The following PYGB variants were observed in gnomAD, a reference collection of about 807,000 sequenced individuals.
PYGB encodes glycogen phosphorylase B.
A neutral mutation model predicts 94.3 loss-of-function variants in PYGB; 82 were observed. The ratio of observed to expected loss-of-function variants is 0.87; its 90% CI spans 0.73 to 1.04. PYGB has a LOEUF of 1.04. Among genes scored for constraint, PYGB ranks in the 50% least tolerant of loss-of-function variants. The probability of loss-of-function intolerance (pLI) is 0.00; values close to 1 mark genes in which losing one functional copy is unlikely to be tolerated. For synonymous variants in PYGB, 488 were observed against 479.1 expected (o/e 1.02, Z -0.24); for missense variants, 1,132 against 1,158.2 (o/e 0.98, Z 0.33).
intron 4 of PYGB, among the ~76,000 whole-genome samples, chr20:25,273,020 C>T (rs1224755556): frequency 2.0e-5 from 3 of 152,226 alleles, no homozygotes; most frequent in Admixed American, 6.5e-5. Flanking sequence ...AAGTGAAGCT[C>T]ACCCCTCCTC....
At chr20:25,252,860 G>A (rs1271382262) in intron 1 of PYGB, among the ~76,000 whole-genome samples, 1 of 152,200 alleles carries the variant, frequency 6.6e-6, no homozygotes, top group Non-Finnish European at 1.5e-5. Flanking sequence ...TCCCTTCACT[G>A]GAGGTTGGGG....
chr20:25,270,799 A>G (rs1024612451), intron 3 of PYGB, among the ~76,000 whole-genome samples: 1 of 152,160 alleles, frequency 6.6e-6, no homozygotes, highest in African/African-American at 2.4e-5. Context: ...CTGGCCTCTA[A>G]ATCTTTATTC....
At position 25,273,916 on chromosome 20, in the gene PYGB, T is replaced by C. The variant is rs114425546; in HGVS notation, c.529-676T>C. ...AGGCTGGAGTGCAGTGGTACAGTCA[T>C]AGCTCACTGCAGCTTCGACCTTGTG... On this transcript the variant is annotated intron_variant, in intron 4 of 19. Transcript: ENST00000216962. 4.2e-3 allele frequency among the ~76,000 whole-genome samples: 638 copies of C among 152,328 alleles called. 6 individuals carry two copies. Among genetic ancestry groups the C allele is most frequent in the African/African-American group, 0.015 (609 of 41,556 alleles).
chr20:25,269,660 T>C (rs1047162895), intron 3 of PYGB, among the ~76,000 whole-genome samples: 3 of 152,314 alleles, frequency 2.0e-5, no homozygotes, highest in Middle Eastern at 3.4e-3. Context: ...CTTTGTGACA[T>C]GTGATGGGTC....
At chr20:25,259,893 C>T (rs2092909843) in intron 2 of PYGB, among the ~76,000 whole-genome samples, 1 of 152,174 alleles carries the variant, frequency 6.6e-6, no homozygotes, top group Admixed American at 6.5e-5. Context: ...TTTGGTCTGT[C>T]TTCGCTTCCC....
chr20:25,251,499 G>T (rs562528283), intron 1 of PYGB, among the ~76,000 whole-genome samples: 1 of 152,326 alleles, frequency 6.6e-6, no homozygotes, highest in South Asian at 2.1e-4. Context: ...TATCCAGAGA[G>T]AATTTGAGGA....
chr20:25,279,107 C>T lies in PYGB; in HGVS notation c.1050C>T (p.Leu350=). ...DTHPALSIPE[L]MRILVDVEKV... ...ACCCCGCCCTCTCCATCCCTGAGCT[C>T]ATGCGGATCCTGGTGGACGTGGAGA... Residue 350 remains leucine, a synonymous_variant, in exon 9 of 20, where the codon CTC becomes CTT. Transcript: ENST00000216962. 2 of 1,614,064 alleles carry T rather than the reference C, an allele frequency of 1.2e-6. No individual in the cohort carries two copies. Among genetic ancestry groups the T allele is most frequent in the Non-Finnish European group, 1.7e-6 (2 of 1,179,936 alleles).
At chr20:25,273,767 A>G (rs1463876485) in intron 4 of PYGB, among the ~76,000 whole-genome samples, 1 of 133,906 alleles carries the variant, frequency 7.5e-6, no homozygotes, top group South Asian at 2.1e-4. Context: ...GGGTGCATCC[A>G]GGGCGTCCTC....
intron 9 of PYGB, 114 bp downstream of exon 9, chr20:25,279,263 T>A: frequency 8.6e-7 from 1 of 1,160,906 alleles, no homozygotes; most frequent in Non-Finnish European, 1.2e-6. Context: ...AGCTGTGTGG[T>A]CATCATGCCC....
intron 2 of PYGB, among the ~76,000 whole-genome samples, chr20:25,265,308 A>C (rs1222716721): frequency 6.6e-6 from 1 of 152,200 alleles, no homozygotes; most frequent in Non-Finnish European, 1.5e-5. Flanking sequence ...AACCACCAAA[A>C]TGTTTGCCAC....
chr20:25,276,605 G>T lies in PYGB; in HGVS notation c.661-41G>T, dbSNP rs376405810. 102 of 1,556,200 alleles carry T rather than the reference G, an allele frequency of 6.6e-5. No individual in the cohort carries two copies. In the African/African-American group the frequency reaches 1.1e-3, roughly 17 times the overall value. ...GGGAGAGGCACAGGGGCCGGCGGGG[G>T]CCCTTGCCACTCCGTCCTGAGCAAC... On this transcript the variant is annotated intron_variant, in intron 5 of 19. Coordinates refer to ENST00000216962, the MANE Select transcript of PYGB (RefSeq NM_002862.4).
chr20:25,278,984 C>A (rs2088340382), intron 8 of PYGB, 73 bp from the exon 9 acceptor site: 1 of 1,445,764 alleles, frequency 6.9e-7, no homozygotes, highest in Non-Finnish European at 9.4e-7. Flanking sequence ...ACTTGGGGAG[C>A]TTCGTATGCC....
Position 25,259,236 on chromosome 20 carries a change from G to T in PYGB, c.244-1G>T. The T allele has an allele frequency of 6.3e-7, 1 of 1,586,202 alleles. No homozygotes were observed. The highest frequency in any genetic ancestry group is 8.7e-7 in the Non-Finnish European group (1 of 1,154,628). On this transcript the variant is annotated splice_acceptor_variant, in intron 1 of 19. Transcript: ENST00000216962. LOFTEE classifies it high-confidence loss of function. ...TCTTATTCTTTCTTCTGCTTCCTCA[G>T]CGCATTTATTATCTTTCCCTGGAAT...
intron 7 of PYGB, 126 bp downstream of exon 7, chr20:25,277,452 C>T (rs2088323603): frequency 1.2e-6 from 1 of 846,750 alleles, no homozygotes; most frequent in Non-Finnish European, 1.9e-6. Context: ...CCTGGTGGCC[C>T]TCTCGCCTTA....
At chr20:25,248,769 C>G (rs2092878941) in intron 1 of PYGB, among the ~76,000 whole-genome samples, 1 of 152,282 alleles carries the variant, frequency 6.6e-6, no homozygotes, top group Non-Finnish European at 1.5e-5. Context: ...GCTCCCCGCC[C>G]CTGCCTCCAG....
rs535032904 is a variant in PYGB at position 25,288,176 on chromosome 20, C to T, written c.1769-249C>T. 118 of 642,920 alleles carry T rather than the reference C, an allele frequency of 1.8e-4. 2 individuals are homozygous for T. The East Asian group carries it at 3.4e-3, about 18-fold the overall frequency. The allele number at this position is 642,920 out of a possible 1,614,324, so 39.8% of individuals were successfully genotyped here. A position where few individuals can be genotyped will look rare whatever the true frequency, so the allele number is the denominator to read the frequency against. ...TCGTCCATGGTCCTGGCTGGCCTTC[C>T]TCACCAGCGGGGAACCTAAGTGCAG... On this transcript the variant is annotated intron_variant, in intron 14 of 19. Transcript: ENST00000216962.
At chr20:25,291,836 G>C (rs922892149) in intron 16 of PYGB, among the ~76,000 whole-genome samples, 2 of 152,196 alleles carry the variant, frequency 1.3e-5, no homozygotes, top group African/African-American at 2.4e-5. Flanking sequence ...TGAGGGTGGA[G>C]AGCAGGTTGT....
intron 7 of PYGB, among the ~76,000 whole-genome samples, 195 bp downstream of exon 7, chr20:25,277,521 C>T (rs1388879911): frequency 2.0e-5 from 3 of 152,172 alleles, no homozygotes; most frequent in South Asian, 4.1e-4. Context: ...AAAGCCCAAG[C>T]GGCTCTTCGT....
intron 7 of PYGB, 138 bp downstream of exon 7, chr20:25,277,464 G>C: frequency 1.4e-6 from 1 of 730,586 alleles, no homozygotes; most frequent in Non-Finnish European, 2.3e-6. Context: ...CTCGCCTTAG[G>C]TGCACACACG....
Sources: allele counts gnomAD v4.1 joint callset (sites outside exome capture counted in the v4.1 genomes callset), GRCh38; gene constraint gnomAD v4.1.1; transcripts MANE v1.5; gene names NCBI Gene and HGNC (gene_info 2026-07-23, HGNC 2026-07-21).